Variants in GRM5 observed in about 807,000 individuals in gnomAD.
GRM5 encodes the protein metabotropic glutamate receptor 5.
Under a neutral mutation model 83.1 loss-of-function variants are expected in GRM5, and 19 were observed. That is an observed-to-expected ratio of 0.23 (90% CI 0.16 to 0.34). The LOEUF (loss-of-function observed/expected upper bound fraction) is 0.34. GRM5 is among the 10% of genes least tolerant of loss of function. The pLI is 1.00. For synonymous variants in GRM5, 675 were observed against 633.6 expected, an observed-to-expected ratio of 1.07 and a Z score of -0.98; for missense variants, 1,160 against 1,588.3, an observed-to-expected ratio of 0.73 and a Z score of 4.58.
intron 2 of GRM5, among the ~76,000 whole-genome samples, chr11:89,000,263 T>A (rs902695868): frequency 6.6e-6 from 1 of 151,998 alleles, no homozygotes; most frequent in African/African-American, 2.4e-5. Flanking sequence ...GGAACTAGAC[T>A]AGCTAAACAA....
intron 3 of GRM5, among the ~76,000 whole-genome samples, chr11:88,777,722 G>C (rs1005976442): frequency 1.3e-5 from 2 of 152,182 alleles, no homozygotes; most frequent in African/African-American, 4.8e-5. Flanking sequence ...GAGTTTGCTG[G>C]AGTTTCACTC....
chr11:88,987,929 T>C (rs1483214336), intron 2 of GRM5, among the ~76,000 whole-genome samples: 26 of 150,008 alleles, frequency 1.7e-4, no homozygotes, highest in Non-Finnish European at 1.9e-4. Flanking sequence ...ACAGAAAAAC[T>C]GGAAACTCTA....
intron 2 of GRM5, among the ~76,000 whole-genome samples, chr11:88,866,889 G>A (rs1282294909): frequency 6.6e-6 from 1 of 152,124 alleles, no homozygotes; most frequent in Non-Finnish European, 1.5e-5. Flanking sequence ...TGTAAAAGGT[G>A]TAAGGAAGGG....
At chr11:88,599,948 G>A (rs1197316870) in intron 5 of GRM5, among the ~76,000 whole-genome samples, 3 of 152,172 alleles carry the variant, frequency 2.0e-5, no homozygotes, top group Non-Finnish European at 2.9e-5. Context: ...GGGAGACGGA[G>A]CTTGCAGTGA....
chr11:88,966,190 G>T (rs1342737838), intron 2 of GRM5, among the ~76,000 whole-genome samples: 1 of 152,120 alleles, frequency 6.6e-6, no homozygotes, highest in Admixed American at 6.6e-5. Flanking sequence ...TGAACTGAAT[G>T]AAAATGGAAA....
At position 88,589,246 on chromosome 11, in the gene GRM5, C is replaced by T. The variant is rs904579839; in HGVS notation, c.1690+1355G>A. 3.9e-5 allele frequency among the ~76,000 whole-genome samples: 6 copies of T among 152,046 alleles called. No homozygotes were observed. The South Asian group carries it at 1.0e-3, about 26-fold the overall frequency. On this transcript the variant is annotated intron_variant, in intron 7 of 9. Coordinates refer to ENST00000305447, the MANE Select transcript of GRM5 (RefSeq NM_001143831.3). ...TTTTGGCATTTTTACTGTGTGTGTG[C>T]ACACAGGTACACTATAGATCATCTA...
intron 2 of GRM5, among the ~76,000 whole-genome samples, chr11:89,023,388 C>T (rs1200421507): frequency 6.6e-6 from 1 of 152,094 alleles, no homozygotes; most frequent in Non-Finnish European, 1.5e-5. Context: ...TGGAGTATTG[C>T]TATCAAGTTG....
At chr11:88,798,820 A>AAAAAAAAAAAAAAAAAAAAAAAAC (rs1555017418) in intron 3 of GRM5, among the ~76,000 whole-genome samples, 2 of 136,288 alleles carry the variant, frequency 1.5e-5, no homozygotes, top group African/African-American at 2.8e-5. Context: ...AAAAAAAAAA[A>AAAAAAAAAAAAAAAAAAAAAAAAC]AAAAAAACAA....
At chr11:89,040,931 G>T (rs1387058209) in intron 2 of GRM5, among the ~76,000 whole-genome samples, 1 of 152,152 alleles carries the variant, frequency 6.6e-6, no homozygotes, top group East Asian at 1.9e-4. Flanking sequence ...AATTTACTGT[G>T]CATAATTTGC....
At chr11:88,904,633 A>C (rs1945373040) in intron 2 of GRM5, among the ~76,000 whole-genome samples, 1 of 152,192 alleles carries the variant, frequency 6.6e-6, no homozygotes, top group African/African-American at 2.4e-5. Context: ...GTGGTATTCA[A>C]ATTACTCATG....
intron 3 of GRM5, among the ~76,000 whole-genome samples, chr11:88,829,791 G>T (rs1057208897): frequency 6.6e-6 from 1 of 151,990 alleles, no homozygotes; most frequent in African/African-American, 2.4e-5. Flanking sequence ...AAATTTTTTG[G>T]ATCAAAAAGA....
At chr11:88,731,831 T>C (rs549175886) in intron 3 of GRM5, among the ~76,000 whole-genome samples, 11 of 152,174 alleles carry the variant, frequency 7.2e-5, no homozygotes, top group African/African-American at 2.4e-4. Flanking sequence ...ATAGTTTATT[T>C]AAAATTGAAT....
intron 3 of GRM5, among the ~76,000 whole-genome samples, chr11:88,748,682 G>C (rs776151186): frequency 6.6e-6 from 1 of 152,072 alleles, no homozygotes; most frequent in Non-Finnish European, 1.5e-5. Context: ...CCTCCTACAG[G>C]TGAATGCAGG....
intron 3 of GRM5, among the ~76,000 whole-genome samples, chr11:88,703,416 A>G (rs1324261980): frequency 6.6e-6 from 1 of 152,088 alleles, no homozygotes; most frequent in African/African-American, 2.4e-5. Context: ...ATGTTACCTT[A>G]AAACACTTTG....
chr11:88,730,104 T>C (rs1485630259), intron 3 of GRM5, among the ~76,000 whole-genome samples: 2 of 152,088 alleles, frequency 1.3e-5, no homozygotes, highest in African/African-American at 4.8e-5. Flanking sequence ...ACCTACAGAA[T>C]GGGAGAAAAT....
At chr11:88,851,151 A>T (rs1217586243) in intron 2 of GRM5, among the ~76,000 whole-genome samples, 1 of 80,842 alleles carries the variant, frequency 1.2e-5, no homozygotes, top group Non-Finnish European at 2.6e-5. Flanking sequence ...TTCTAATTAC[A>T]TCCGCATTTC....
chr11:88,635,112 C>A (rs1939082414), intron 4 of GRM5, among the ~76,000 whole-genome samples: 1 of 152,216 alleles, frequency 6.6e-6, no homozygotes, highest in Admixed American at 6.5e-5. Context: ...TTGGCTATTG[C>A]AGCTAATGCT....
At chr11:88,731,358 C>T (rs964129773) in intron 3 of GRM5, among the ~76,000 whole-genome samples, 3 of 152,054 alleles carry the variant, frequency 2.0e-5, no homozygotes, top group African/African-American at 7.2e-5. Context: ...AAAGCGCACT[C>T]CCATTGCCTG....
chr11:88,689,268 G>T (rs1443493781), intron 3 of GRM5, among the ~76,000 whole-genome samples: 14 of 152,122 alleles, frequency 9.2e-5, no homozygotes, highest in Non-Finnish European at 1.8e-4. Flanking sequence ...TCAACTTTCA[G>T]AAAAATTAGT....
Sources: gnomAD v4.1 joint callset for allele counts (sites outside exome capture counted in the v4.1 genomes callset) on GRCh38, gnomAD v4.1.1 for gene constraint, MANE v1.5 for transcripts, NCBI Gene and HGNC (gene_info 2026-07-23, HGNC 2026-07-21) for gene names.